TRPA1: variants seen among roughly 807,000 people sequenced by gnomAD.
TRPA1 encodes transient receptor potential cation channel subfamily A member 1, also known as ankyrin-like with transmembrane domains 1.
TRPA1 carries 129 observed loss-of-function variants against 131.3 expected under a neutral mutation model. The observed-to-expected ratio is 0.98, with a 90% CI of 0.85 to 1.14. The LOEUF is 1.14. Ranked by LOEUF, TRPA1 falls within the 50% of genes most tolerant of loss-of-function variation. TRPA1 has a pLI of 0.00. For synonymous variants in TRPA1, 441 were observed against 451.7 expected (o/e 0.98, Z 0.30); for missense variants, 1,304 against 1,354.2 (o/e 0.96, Z 0.58).
chr8:72,080,642 G>A, the TRPA1 span, among the ~76,000 whole-genome samples: 1 of 149,170 alleles, frequency 6.7e-6, no homozygotes, highest in Non-Finnish European at 1.5e-5. Context: ...GTATAATATT[G>A]GTATTATTTT....
In TRPA1 at chr8:72,023,894, TA is replaced by T; in HGVS notation, c.3068del (p.Leu1023TyrfsTer7). 1 of 1,589,390 alleles carries T rather than the reference TA, an allele frequency of 6.3e-7. No homozygotes were observed. Among genetic ancestry groups the T allele is most frequent in the Non-Finnish European group, 8.6e-7 (1 of 1,158,136 alleles). On this transcript the variant is annotated frameshift_variant, in exon 26 of 27. Coordinates refer to ENST00000262209, the MANE Select transcript of TRPA1 (RefSeq NM_007332.3). LOFTEE classifies it high-confidence loss of function. ...GGMLFHIFCF[L>X]FCTGEIRQEI... ...CTTGTCTTATTTCCCCAGTGCAAAATAAAAAACAGAATATATGCTGTCGGAT... is the reference window on the plus strand; with the variant it reads ...CTTGTCTTATTTCCCCAGTGCAAAATAAAAACAGAATATATGCTGTCGGAT...
the TRPA1 span, among the ~76,000 whole-genome samples, chr8:72,081,170 A>G: frequency 6.6e-6 from 1 of 151,860 alleles, no homozygotes; most frequent in African/African-American, 2.4e-5. Context: ...GATACAAAAT[A>G]CTTACTCAAC....
At chr8:72,083,814 C>A in the TRPA1 span, among the ~76,000 whole-genome samples, 1 of 152,118 alleles carries the variant, frequency 6.6e-6, no homozygotes, top group Non-Finnish European at 1.5e-5. Flanking sequence ...ACTGTAGAAT[C>A]TGTTTCCCAT....
intron 15 of TRPA1, 147 bp from the exon 16 acceptor site, chr8:72,047,354 A>T: frequency 1.5e-6 from 1 of 664,726 alleles, no homozygotes; most frequent in South Asian, 1.8e-5. Flanking sequence ...AATCTATGTC[A>T]TTCAGGAACA....
intron 23 of TRPA1, among the ~76,000 whole-genome samples, chr8:72,032,645 A>C (rs1179733214): frequency 6.6e-6 from 1 of 152,216 alleles, no homozygotes; most frequent in Non-Finnish European, 1.5e-5. Context: ...GCTAAGCCCA[A>C]TTCTCTTCTG....
At chr8:72,041,197 A>T (rs1209135301) in intron 17 of TRPA1, 3 of 152,128 alleles carry the variant, frequency 2.0e-5, no homozygotes, top group African/African-American at 7.2e-5. Context: ...ACCTCACATT[A>T]GAGCTCCCAA....
intron 21 of TRPA1, 107 bp downstream of exon 21, chr8:72,036,181 A>T: frequency 8.4e-7 from 1 of 1,191,484 alleles, no homozygotes; most frequent in Non-Finnish European, 1.2e-6. Context: ...ATTTTGAAAC[A>T]ACTGGAAAAG....
At position 72,059,416 on chromosome 8, in the gene TRPA1, C is replaced by A. The variant is rs747556278; in HGVS notation, c.967G>T (p.Glu323Ter). 3 of 1,584,964 alleles carry A rather than the reference C, an allele frequency of 1.9e-6. No individual in the cohort carries two copies. The highest frequency in any genetic ancestry group is 2.6e-6 in the Non-Finnish European group (3 of 1,159,120). Residue 323 changes from glutamate to a stop codon, truncating the protein, a stop_gained, in exon 8 of 27, where the codon GAG (glutamate) becomes TAG (stop). Transcript: ENST00000262209. LOFTEE classifies it high-confidence loss of function. The part of the protein sequence containing the change: ...LHRASLFDHH[E>*]LADYLISVGA... ...ACTGAAATTAAATAGTCTGCTAGCT[C>A]ATGGTGATCAAACAATGAAGCTCTG... is the stretch of plus-strand genomic sequence containing the variant.
intron 4 of TRPA1, 43 bp from the exon 5 acceptor site, chr8:72,063,614 C>T: frequency 1.5e-6 from 2 of 1,367,928 alleles, no homozygotes; most frequent in Non-Finnish European, 2.1e-6. Flanking sequence ...AGTTAAACCC[C>T]AAATCGCAAG....
chr8:72,077,202 A>T (rs908769140), upstream of TRPA1, among the ~76,000 whole-genome samples: 1 of 150,330 alleles, frequency 6.7e-6, no homozygotes, highest in Admixed American at 6.7e-5. Flanking sequence ...GTTCGAAGTG[A>T]TCATTTTGGA....
chr8:72,051,005 G>A (rs1805490716), intron 14 of TRPA1, 134 bp from the exon 15 acceptor site: 1 of 676,676 alleles, frequency 1.5e-6, no homozygotes, highest in Non-Finnish European at 2.6e-6. Context: ...CTCACCCTTG[G>A]TTCCAATGGA....
Position 72,057,573 on chromosome 8 carries a change from AT to A in TRPA1, c.1093+143del, listed in dbSNP as rs1464910103. ...TCTAGACATGAAAACTGTTCTGTTTATTTTTAAATTCACAACACCTGGCCCA... is the reference window on the plus strand; with the variant it reads ...TCTAGACATGAAAACTGTTCTGTTTATTTTAAATTCACAACACCTGGCCCA... On this transcript the variant is annotated intron_variant, in intron 9 of 26. Coordinates refer to ENST00000262209, the MANE Select transcript of TRPA1 (RefSeq NM_007332.3). 58 of 724,456 alleles carry A rather than the reference AT, an allele frequency of 8.0e-5. No individual in the cohort carries two copies. In the Middle Eastern group the frequency reaches 1.5e-3, roughly 18 times the overall value. The allele number at this position is 724,456 out of a possible 1,614,324, so 44.9% of individuals were successfully genotyped here.
Position 72,065,446 on chromosome 8 carries a change from C to T in TRPA1, c.552+5G>A, listed in dbSNP as rs1805907929. The T allele has an allele frequency of 6.2e-7, 1 of 1,610,050 alleles. No homozygotes were observed. Among genetic ancestry groups the T allele is most frequent in the Non-Finnish European group, 8.5e-7 (1 of 1,176,960 alleles). On this transcript the variant is annotated splice_donor_5th_base_variant and intron_variant, in intron 4 of 26. Coordinates refer to ENST00000262209, the MANE Select transcript of TRPA1 (RefSeq NM_007332.3). ...AAAGCAGACAGATATGACAAATATA[C>T]AAACCAAAATCTGCAATGCTTCGCT...
At chr8:72,058,145 A>G (rs1444031388) in intron 8 of TRPA1, among the ~76,000 whole-genome samples, 2 of 152,178 alleles carry the variant, frequency 1.3e-5, no homozygotes, top group East Asian at 1.9e-4. Flanking sequence ...CACTGCAAGA[A>G]ATAATTTTTA....
At chr8:72,067,794 C>T (rs1048801863) in intron 3 of TRPA1, among the ~76,000 whole-genome samples, 2 of 152,138 alleles carry the variant, frequency 1.3e-5, no homozygotes, top group African/African-American at 4.8e-5. Flanking sequence ...AGCTTGTTGC[C>T]AGAGGACTTT....
rs566729002 is a variant in TRPA1 at position 72,043,285 on chromosome 8, A to C, written c.2061+3228T>G. Among the ~76,000 whole-genome samples, 51 of 151,998 alleles carry C rather than the reference A, an allele frequency of 3.4e-4. No homozygotes were observed. In the South Asian group the frequency reaches 0.01, roughly 30 times the overall value. ...TCAAAAACTCAAACGTAGTTATAGAAAAAGGGATAATTATTTTGTATTTAC... is the reference window on the plus strand; with the variant it reads ...TCAAAAACTCAAACGTAGTTATAGACAAAGGGATAATTATTTTGTATTTAC... On this transcript the variant is annotated intron_variant, in intron 17 of 26. Transcript: ENST00000262209.
At chr8:72,043,361 A>G (rs1812321571) in intron 17 of TRPA1, among the ~76,000 whole-genome samples, 1 of 151,920 alleles carries the variant, frequency 6.6e-6, no homozygotes, top group Non-Finnish European at 1.5e-5. Context: ...AACACAGCCT[A>G]GAAACATATG....
chr8:72,080,142 T>C (rs1427738869), upstream of TRPA1, among the ~76,000 whole-genome samples: 1 of 151,958 alleles, frequency 6.6e-6, no homozygotes, highest in East Asian at 1.9e-4. Flanking sequence ...TAATTTTTTT[T>C]CCCACCTCAG....
chr8:72,051,525 A>G (rs1805507922), intron 14 of TRPA1, among the ~76,000 whole-genome samples: 1 of 152,100 alleles, frequency 6.6e-6, no homozygotes, highest in South Asian at 2.1e-4. Flanking sequence ...AGTAAAACCC[A>G]TCTAGTATAT....
Sources: allele counts gnomAD v4.1 joint callset (sites outside exome capture counted in the v4.1 genomes callset), GRCh38; gene constraint gnomAD v4.1.1; transcripts MANE v1.5; gene names NCBI Gene and HGNC (gene_info 2026-07-23, HGNC 2026-07-21).